The following AKT3 variants were observed in gnomAD, a reference collection of about 807,000 sequenced individuals.
The protein encoded by AKT3 is AKT serine/threonine kinase 3.
AKT3 carries 15 observed loss-of-function variants against 65.3 expected under a neutral mutation model. The observed-to-expected ratio is 0.23, with a 90% CI of 0.15 to 0.35. AKT3 has a LOEUF of 0.35. Ranked by LOEUF, AKT3 falls within the 10% of genes least tolerant of loss-of-function variation. The probability of loss-of-function intolerance (pLI) is 1.00; values close to 1 mark genes in which losing one functional copy is unlikely to be tolerated. For synonymous variants in AKT3, 206 were observed against 183.8 expected, an observed-to-expected ratio of 1.12 and a Z score of -0.98; for missense variants, 243 against 576.5, an observed-to-expected ratio of 0.42 and a Z score of 5.92.
At chr1:243,758,412 A>AG (rs1689277894) in intron 2 of AKT3, among the ~76,000 whole-genome samples, 1 of 152,180 alleles carries the variant, frequency 6.6e-6, no homozygotes, top group African/African-American at 2.4e-5. Flanking sequence ...CATAGGGAAT[A>AG]GCAAGGCTTT....
chr1:243,797,549 A>G lies in AKT3; in HGVS notation c.46+45576T>C, dbSNP rs139256477. 7.4e-3 allele frequency among the ~76,000 whole-genome samples: 1,130 copies of G among 152,280 alleles called. 14 individuals carry two copies. The highest frequency in any genetic ancestry group is 0.026 in the African/African-American group (1,073 of 41,562). On this transcript the variant is annotated intron_variant, in intron 2 of 13. Coordinates refer to ENST00000673466, the MANE Select transcript of AKT3 (RefSeq NM_005465.7). ...GCTTTATTGGGAGAGAAAACTTGCT[A>G]TTTATGACCCAAATAGCACCTCCCA...
intron 2 of AKT3, among the ~76,000 whole-genome samples, chr1:243,757,959 C>T (rs142853185): frequency 3.7e-4 from 56 of 152,222 alleles, no homozygotes; most frequent in African/African-American, 1.2e-3. Flanking sequence ...GACGGAGTTT[C>T]GCCATGTTGG....
intron 11 of AKT3, 113 bp from the exon 12 acceptor site, chr1:243,545,710 A>C (rs998567733): frequency 1.4e-6 from 1 of 697,978 alleles, no homozygotes; most frequent in Non-Finnish European, 2.4e-6. Context: ...AGTTCTTGGG[A>C]TAAATAGCTC....
At chr1:243,761,499 A>C (rs1689488600) in intron 2 of AKT3, among the ~76,000 whole-genome samples, 1 of 152,230 alleles carries the variant, frequency 6.6e-6, no homozygotes, top group South Asian at 2.1e-4. Context: ...TCAATGGATA[A>C]ATGGATAAAC....
Position 243,673,734 on chromosome 1 carries a change from C to T in AKT3, c.173-8851G>A, listed in dbSNP as rs990873032. Among the ~76,000 whole-genome samples the T allele has an allele frequency of 4.0e-5, 6 of 151,664 alleles. No homozygotes were observed. The East Asian group carries it at 9.7e-4, about 25-fold the overall frequency. On this transcript the variant is annotated intron_variant, in intron 3 of 13. Transcript: ENST00000673466. ...GTTTCAAGCAATTCTCCTGCCTCAGCCTCCGGAGTAGCGAGGACTACAGGC... is the reference window on the plus strand; with the variant it reads ...GTTTCAAGCAATTCTCCTGCCTCAGTCTCCGGAGTAGCGAGGACTACAGGC...
Position 243,491,262 on chromosome 1 carries a change from A to C in AKT3, c.*7-2812T>G, listed in dbSNP as rs149971234. 2.4e-3 allele frequency among the ~76,000 whole-genome samples: 367 copies of C among 152,288 alleles called. 3 individuals are homozygous for C. The highest frequency in any genetic ancestry group is 7.6e-3 in the African/African-American group (316 of 41,556). ...CCAAATGAGTTGCAAAATTTTCACA[A>C]AACGCATTAAAAAAACCCCAAACCT... is the stretch of plus-strand genomic sequence containing the variant. On this transcript the variant is annotated intron_variant, in intron 13 of 13. Transcript: ENST00000336199.
At chr1:243,694,968 A>C (rs1465565521) in intron 3 of AKT3, among the ~76,000 whole-genome samples, 1 of 152,050 alleles carries the variant, frequency 6.6e-6, no homozygotes, top group African/African-American at 2.4e-5. Context: ...CTAATTGATT[A>C]ATCAATATAT....
intron 2 of AKT3, among the ~76,000 whole-genome samples, chr1:243,728,858 G>A (rs1462216936): frequency 6.6e-6 from 1 of 152,104 alleles, no homozygotes; most frequent in Non-Finnish European, 1.5e-5. Context: ...GGGAAACTTA[G>A]TTTTTCCTTA....
At chr1:243,577,450 A>G (rs1675023209) in intron 8 of AKT3, among the ~76,000 whole-genome samples, 1 of 152,176 alleles carries the variant, frequency 6.6e-6, no homozygotes, top group Non-Finnish European at 1.5e-5. Context: ...TCTGGCCAGC[A>G]CTCCCTATTT....
chr1:243,612,854 CA>C (rs1677973448), intron 8 of AKT3: 1 of 151,720 alleles, frequency 6.6e-6, no homozygotes. Flanking sequence ...TCCTGGCCAA[CA>C]TGGTGAAACC....
At chr1:243,730,047 A>G (rs903863660) in intron 2 of AKT3, among the ~76,000 whole-genome samples, 2 of 152,202 alleles carry the variant, frequency 1.3e-5, no homozygotes, top group Non-Finnish European at 1.5e-5. Context: ...CACACACAGC[A>G]TGAAGCCTGA....
chr1:243,658,973 T>G (rs905760004), intron 4 of AKT3, among the ~76,000 whole-genome samples: 6 of 151,480 alleles, frequency 4.0e-5, no homozygotes, highest in African/African-American at 7.3e-5. Context: ...CAGGCTGCAG[T>G]AAGCCATGAT....
chr1:243,712,827 A>G (rs756600854), intron 2 of AKT3, among the ~76,000 whole-genome samples: 1 of 152,214 alleles, frequency 6.6e-6, no homozygotes, highest in Non-Finnish European at 1.5e-5. Flanking sequence ...ATTTGAAAAC[A>G]TTCCAGATAT....
At chr1:243,748,771 A>T (rs1688628214) in intron 2 of AKT3, among the ~76,000 whole-genome samples, 1 of 152,188 alleles carries the variant, frequency 6.6e-6, no homozygotes, top group Non-Finnish European at 1.5e-5. Flanking sequence ...TTTCTGGATA[A>T]TAATTGATCT....
chr1:243,551,290 A>G (rs1177649606), intron 11 of AKT3, among the ~76,000 whole-genome samples: 1 of 152,194 alleles, frequency 6.6e-6, no homozygotes, highest in Non-Finnish European at 1.5e-5. Flanking sequence ...GGCTCCTGAA[A>G]AAGCAAGGGA....
intron 2 of AKT3, among the ~76,000 whole-genome samples, chr1:243,761,642 T>C (rs565121577): frequency 2.2e-4 from 34 of 152,234 alleles, no homozygotes; most frequent in African/African-American, 8.2e-4. Flanking sequence ...GGAAAAATAT[T>C]GTATGATCCC....
intron 2 of AKT3, among the ~76,000 whole-genome samples, chr1:243,754,068 T>A (rs1284496795): frequency 6.6e-6 from 1 of 152,188 alleles, no homozygotes; most frequent in Non-Finnish European, 1.5e-5. Context: ...TTTCCCAGTT[T>A]CCTTATTATA....
downstream of AKT3, among the ~76,000 whole-genome samples, chr1:243,499,063 T>G (rs1159609328): frequency 2.6e-5 from 4 of 152,190 alleles, no homozygotes; most frequent in African/African-American, 9.6e-5. Flanking sequence ...TAGTTCCTGA[T>G]GTGGTTTAAA....
chr1:243,665,918 G>T (rs1682735063), intron 3 of AKT3, among the ~76,000 whole-genome samples: 1 of 152,092 alleles, frequency 6.6e-6, no homozygotes, highest in African/African-American at 2.4e-5. Context: ...GTGCTTATCT[G>T]CTGTGTCCTA....
Sources: allele counts gnomAD v4.1 joint callset (sites outside exome capture counted in the v4.1 genomes callset), GRCh38; gene constraint gnomAD v4.1.1; transcripts MANE v1.5; gene names NCBI Gene and HGNC (gene_info 2026-07-23, HGNC 2026-07-21).